Variants in SGCZ observed in about 807,000 individuals in gnomAD.
The protein encoded by SGCZ is zeta-sarcoglycan.
In SGCZ, 40 loss-of-function variants were observed where a neutral mutation model predicts 41.3. The observed-to-expected ratio is 0.97, with a 90% CI of 0.75 to 1.26. The LOEUF is 1.26. Ranked by LOEUF, SGCZ falls within the 50% of genes most tolerant of loss-of-function variation. SGCZ has a pLI of 0.00. For synonymous variants in SGCZ, 206 were observed against 137.5 expected, an observed-to-expected ratio of 1.50 and a Z score of -3.49; for missense variants, 552 against 369.8, an observed-to-expected ratio of 1.49 and a Z score of -4.04.
At chr8:14,143,754 C>T (rs1232382136) in intron 5 of SGCZ, among the ~76,000 whole-genome samples, 3 of 152,068 alleles carry the variant, frequency 2.0e-5, no homozygotes, top group Non-Finnish European at 2.9e-5. Context: ...CCTAAATGGT[C>T]AATGCCACCC....
chr8:14,896,040 C>A (rs191349061), intron 1 of SGCZ, among the ~76,000 whole-genome samples: 67 of 152,290 alleles, frequency 4.4e-4, no homozygotes, highest in African/African-American at 1.4e-3. Flanking sequence ...ATCTTTGGAC[C>A]AGCCCATGCT....
At chr8:15,133,134 C>T (rs916106342) in intron 1 of SGCZ, among the ~76,000 whole-genome samples, 3 of 143,302 alleles carry the variant, frequency 2.1e-5, no homozygotes, top group African/African-American at 8.0e-5. Context: ...CAGAGTGATA[C>T]CCTGTCTCAA....
chr8:14,367,862 G>C (rs1316423932), intron 2 of SGCZ, among the ~76,000 whole-genome samples: 1 of 151,974 alleles, frequency 6.6e-6, no homozygotes, highest in African/African-American at 2.4e-5. Flanking sequence ...TATTTTTTGG[G>C]AAAGAATGTC....
chr8:15,196,334 G>A (rs1287027253), intron 1 of SGCZ, among the ~76,000 whole-genome samples: 1 of 152,078 alleles, frequency 6.6e-6, no homozygotes, highest in African/African-American at 2.4e-5. Flanking sequence ...ACAATCTCCT[G>A]TTGTCTCCAT....
chr8:14,349,642 A>G (rs2117100811), intron 2 of SGCZ, among the ~76,000 whole-genome samples: 1 of 152,274 alleles, frequency 6.6e-6, no homozygotes. Context: ...TCTTCTGTTT[A>G]TCATATGCAG....
chr8:14,411,190 A>G (rs913405433), intron 2 of SGCZ, among the ~76,000 whole-genome samples: 9 of 152,170 alleles, frequency 5.9e-5, no homozygotes, highest in Non-Finnish European at 1.2e-4. Flanking sequence ...AATAATATTT[A>G]TAAGACCATA....
At chr8:14,922,342 C>T (rs944513542) in intron 1 of SGCZ, among the ~76,000 whole-genome samples, 34 of 152,142 alleles carry the variant, frequency 2.2e-4, no homozygotes, top group Non-Finnish European at 5.0e-4. Context: ...AAACTAAAAA[C>T]ATCATGCACT....
At chr8:14,543,879 A>G (rs1803543865) in intron 2 of SGCZ, among the ~76,000 whole-genome samples, 1 of 152,240 alleles carries the variant, frequency 6.6e-6, no homozygotes, top group Admixed American at 6.5e-5. Flanking sequence ...TGTGTGCCTG[A>G]TTTGATTACA....
At chr8:14,992,695 ACC>A (rs58881776) in intron 1 of SGCZ, among the ~76,000 whole-genome samples, 1 of 107,844 alleles carries the variant, frequency 9.3e-6, no homozygotes, top group East Asian at 3.0e-4. Flanking sequence ...CTTGATATTT[ACC>A]CCCCACCCAT....
At chr8:15,072,030 A>C (rs1007348008) in intron 1 of SGCZ, among the ~76,000 whole-genome samples, 1 of 152,096 alleles carries the variant, frequency 6.6e-6, no homozygotes, top group African/African-American at 2.4e-5. Context: ...TGGCCCCAGC[A>C]TCGGAAGTCT....
chr8:14,894,575 G>A lies in SGCZ; in HGVS notation c.40-339649C>T, dbSNP rs113884425. Among the ~76,000 whole-genome samples the A allele has an allele frequency of 1.9e-3, 288 of 152,060 alleles. 2 individuals are homozygous for A. Among genetic ancestry groups the A allele is most frequent in the African/African-American group, 6.2e-3 (257 of 41,496 alleles). On this transcript the variant is annotated intron_variant, in intron 1 of 7. Transcript: ENST00000382080. Reference sequence around the variant, plus strand: ...TTATCTTTGCTTCAGATGATCACTGGGCCTCTCACACTGAAGACACAGTTT... The same window carrying A: ...TTATCTTTGCTTCAGATGATCACTGAGCCTCTCACACTGAAGACACAGTTT...
intron 1 of SGCZ, among the ~76,000 whole-genome samples, chr8:15,085,408 A>T (rs1328956812): frequency 3.9e-5 from 6 of 152,200 alleles, no homozygotes; most frequent in Non-Finnish European, 8.8e-5. Context: ...AGACTGCAGT[A>T]CACGATGGGT....
At chr8:15,002,499 T>G (rs1406896355) in intron 1 of SGCZ, among the ~76,000 whole-genome samples, 1 of 152,034 alleles carries the variant, frequency 6.6e-6, no homozygotes, top group East Asian at 1.9e-4. Context: ...GTCATTACCC[T>G]AGAAATAGGA....
chr8:14,455,276 T>TA (rs1320773187), intron 2 of SGCZ, among the ~76,000 whole-genome samples: 2 of 151,944 alleles, frequency 1.3e-5, no homozygotes, highest in African/African-American at 4.8e-5. Context: ...GGTAAAAAAG[T>TA]AAAAAATCAT....
intron 1 of SGCZ, among the ~76,000 whole-genome samples, chr8:14,896,628 C>T (rs1390391062): frequency 6.6e-6 from 1 of 151,936 alleles, no homozygotes; most frequent in African/African-American, 2.4e-5. Context: ...AGGTGTCCTC[C>T]ACCACACCTG....
intron 4 of SGCZ, among the ~76,000 whole-genome samples, chr8:14,193,382 T>G (rs989473224): frequency 2.6e-5 from 4 of 151,604 alleles, no homozygotes; most frequent in Non-Finnish European, 5.9e-5. Flanking sequence ...AACAGTTGAA[T>G]GAGTGAGAGA....
chr8:14,183,406 G>A (rs1162419477), intron 4 of SGCZ, among the ~76,000 whole-genome samples: 1 of 151,968 alleles, frequency 6.6e-6, no homozygotes, highest in Non-Finnish European at 1.5e-5. Flanking sequence ...GATTTCATGA[G>A]GTTAGTAGAA....
intron 1 of SGCZ, among the ~76,000 whole-genome samples, chr8:14,592,839 C>T (rs991795110): frequency 6.6e-6 from 1 of 152,086 alleles, no homozygotes; most frequent in Non-Finnish European, 1.5e-5. Context: ...AGAGTTTAAT[C>T]AGACAGACTA....
rs76891524 is a variant in SGCZ at position 14,785,237 on chromosome 8, C to G, written c.40-230311G>C. ...GTATATACTCTTTGATACAATATTT[C>G]TACTATCAGAAATTTATCCAATAAA... is the stretch of plus-strand genomic sequence containing the variant. On this transcript the variant is annotated intron_variant, in intron 1 of 7. Transcript: ENST00000382080. 1.9e-4 allele frequency among the ~76,000 whole-genome samples: 29 copies of G among 151,540 alleles called. No individual in the cohort carries two copies. In the East Asian group the frequency reaches 5.4e-3, roughly 28 times the overall value.
Sources: allele counts gnomAD v4.1 joint callset (sites outside exome capture counted in the v4.1 genomes callset), GRCh38; gene constraint gnomAD v4.1.1; transcripts MANE v1.5; gene names NCBI Gene and HGNC (gene_info 2026-07-23, HGNC 2026-07-21).